CELF2: variants seen among roughly 807,000 people sequenced by gnomAD.
CELF2 encodes CUGBP Elav-like family member 2.
Under a neutral mutation model 62.6 loss-of-function variants are expected in CELF2, and 8 were observed. The observed-to-expected ratio is 0.13, with a 90% CI of 0.07 to 0.23. CELF2 has a LOEUF of 0.23. CELF2 is among the 10% of genes least tolerant of loss of function. The pLI, the probability that CELF2 is intolerant of heterozygous loss-of-function variation, is 1.00. For synonymous variants in CELF2, 258 were observed against 250.0 expected (o/e 1.03, Z -0.30); for missense variants, 333 against 671.0 (o/e 0.50, Z 5.56).
At chr10:10,872,668 C>CAAA (rs148468448) in intron 1 of CELF2, among the ~76,000 whole-genome samples, 1 of 150,024 alleles carries the variant, frequency 6.7e-6, no homozygotes, top group African/African-American at 2.5e-5. Context: ...ACAACAACAA[C>CAAA]AACAACAAAA....
At chr10:11,005,260 GAGA>G, upstream of CELF2, 4 of 1,029,950 alleles carry the variant, frequency 3.9e-6, no homozygotes, top group Non-Finnish European at 5.2e-6. The surrounding 1 kb of genome is among the most constrained non-coding windows in gnomAD (Gnocchi z 4.3). Context: ...GAGAGGGAGA[GAGA>G]GAGAGAGAGA....
chr10:10,803,817 C>CAATG (rs757300310), intron 1 of CELF2, among the ~76,000 whole-genome samples: 3 of 152,210 alleles, frequency 2.0e-5, no homozygotes, highest in South Asian at 2.1e-4. Flanking sequence ...TAGCACACGA[C>CAATG]AATGAATGAA....
At chr10:11,278,082 C>T (rs1055108603) in intron 8 of CELF2, among the ~76,000 whole-genome samples, 2 of 152,104 alleles carry the variant, frequency 1.3e-5, no homozygotes, top group Admixed American at 6.5e-5. Flanking sequence ...ATGGGTGAAA[C>T]ATTTTCAGCT....
At chr10:10,645,521 G>A in the CELF2 span, among the ~76,000 whole-genome samples, 3 of 152,118 alleles carry the variant, frequency 2.0e-5, no homozygotes, top group Non-Finnish European at 2.9e-5. Context: ...AGGCATGGTA[G>A]CACGCCCATG....
the CELF2 span, among the ~76,000 whole-genome samples, chr10:10,591,154 A>T: frequency 6.6e-6 from 1 of 152,186 alleles, no homozygotes; most frequent in African/African-American, 2.4e-5. Flanking sequence ...AAGAGCTCAA[A>T]CCCCATAACC....
intron 4 of CELF2, among the ~76,000 whole-genome samples, chr10:11,250,409 C>A (rs1238368722): frequency 6.6e-6 from 1 of 152,234 alleles, no homozygotes; most frequent in Non-Finnish European, 1.5e-5. Flanking sequence ...GTCTTCTCCT[C>A]AGCCCTGCAC....
At chr10:10,467,902 A>G in the CELF2 span, among the ~76,000 whole-genome samples, 1 of 152,116 alleles carries the variant, frequency 6.6e-6, no homozygotes, top group African/African-American at 2.4e-5. Flanking sequence ...CATAAGCACC[A>G]TCAAGGTCAA....
At chr10:10,855,618 C>T (rs1398124471) in intron 1 of CELF2, among the ~76,000 whole-genome samples, 2 of 152,220 alleles carry the variant, frequency 1.3e-5, no homozygotes, top group East Asian at 3.9e-4. Context: ...GTTTCCCATT[C>T]ATTCTGCTGC....
At chr10:10,616,675 C>CGTGT in the CELF2 span, among the ~76,000 whole-genome samples, 4,232 of 133,026 alleles carry the variant, frequency 0.032, 151 homozygotes, top group African/African-American at 0.11. Flanking sequence ...CACCCAAATT[C>CGTGT]GTGTGTGTGT....
In CELF2 at chr10:10,947,659, G is replaced by A. The variant is rs532663567; in HGVS notation, c.89+27660G>A. On this transcript the variant is annotated intron_variant, in intron 2 of 13. Transcript: ENST00000636488. This position sits in a 1 kb window ranked among gnomAD's most constrained non-coding sequence, Gnocchi z 4.1. ...AAGTTTACAGAATAAAGAAATGTAT[G>A]AGGGGATGAGTGCCTACTGTGTAAT... The A allele has an allele frequency of 6.6e-6, 1 of 152,510 alleles. No homozygotes were observed. 9.4% of individuals were successfully genotyped at this position (152,510 alleles called of 1,614,324 possible).
At chr10:10,853,145 A>C (rs560214699) in intron 1 of CELF2, among the ~76,000 whole-genome samples, 2 of 152,058 alleles carry the variant, frequency 1.3e-5, no homozygotes, top group South Asian at 4.2e-4. Context: ...TGCCCGGCTA[A>C]TTTTTTTGTA....
rs1366262141 is a variant in CELF2 at position 11,244,432 on chromosome 10, T to A, written c.355-4721T>A. On this transcript the variant is annotated intron_variant, in intron 3 of 12. Coordinates refer to ENST00000633077, the MANE Select transcript of CELF2 (RefSeq NM_001326342.2). The surrounding 1 kb of genome is among the most constrained non-coding windows in gnomAD (Gnocchi z 4.2). ...ACTTTGGGAGGCCGAGGTGGGTGGA[T>A]CCCAAGGTCAGGAGATCGAGACCAT... is the stretch of plus-strand genomic sequence containing the variant. Among the ~76,000 whole-genome samples, 1 of 152,162 alleles carries A rather than the reference T, an allele frequency of 6.6e-6. No homozygotes were observed. The highest frequency in any genetic ancestry group is 2.4e-5 in the African/African-American group (1 of 41,440).
In CELF2 at chr10:11,302,105, C is replaced by T. The variant is rs909108555; in HGVS notation, c.977-12034C>T. Among the ~76,000 whole-genome samples, 1 of 152,216 alleles carries T rather than the reference C, an allele frequency of 6.6e-6. No homozygotes were observed. Among genetic ancestry groups the T allele is most frequent in the Non-Finnish European group, 1.5e-5 (1 of 68,040 alleles). On this transcript the variant is annotated intron_variant, in intron 9 of 12. Coordinates refer to ENST00000633077, the MANE Select transcript of CELF2 (RefSeq NM_001326342.2). This position sits in a 1 kb window ranked among gnomAD's most constrained non-coding sequence, Gnocchi z 5.0. ...GCTGTCTTCTGGTGGGGTTTCTTTT[C>T]CTCTGGAAGAACAGAACCGTAACTT...
At chr10:10,531,275 A>C in the CELF2 span, among the ~76,000 whole-genome samples, 2 of 152,232 alleles carry the variant, frequency 1.3e-5, no homozygotes, top group African/African-American at 4.8e-5. Context: ...TTTAAGATAC[A>C]GGTAACTTGA....
chr10:10,574,125 A>G, the CELF2 span, among the ~76,000 whole-genome samples: 1 of 152,214 alleles, frequency 6.6e-6, no homozygotes, highest in East Asian at 1.9e-4. Context: ...TATTTCATAG[A>G]ATCCACTCTC....
the CELF2 span, among the ~76,000 whole-genome samples, chr10:10,484,786 A>G: frequency 6.6e-6 from 1 of 152,190 alleles, no homozygotes; most frequent in African/African-American, 2.4e-5. Context: ...ATAAAATACT[A>G]TCAAATCACA....
intron 1 of CELF2, among the ~76,000 whole-genome samples, chr10:10,874,382 AAAAG>A (rs1172615620): frequency 6.6e-6 from 1 of 152,134 alleles, no homozygotes; most frequent in African/African-American, 2.4e-5. Flanking sequence ...AAGAAAATAA[AAAAG>A]AAAGAACGCA....
intron 2 of CELF2, among the ~76,000 whole-genome samples, chr10:10,961,350 A>G (rs1311093744): frequency 6.6e-6 from 1 of 152,222 alleles, no homozygotes; most frequent in African/African-American, 2.4e-5. Flanking sequence ...GTGAAATGTT[A>G]CCATATTAAA....
the CELF2 span, among the ~76,000 whole-genome samples, chr10:10,682,484 C>T: frequency 6.6e-6 from 1 of 152,156 alleles, no homozygotes; most frequent in Non-Finnish European, 1.5e-5. Context: ...AGGAGTGATC[C>T]GGCCCATCAG....
Sources: gnomAD v4.1 joint callset for allele counts (sites outside exome capture counted in the v4.1 genomes callset) on GRCh38, gnomAD v4.1.1 for gene constraint, Gnocchi (gnomAD v3.1) non-coding constraint, MANE v1.5 for transcripts, NCBI Gene and HGNC (gene_info 2026-07-23, HGNC 2026-07-21) for gene names.